Variants in SLC1A4 observed in about 807,000 individuals in gnomAD.
SLC1A4 encodes the protein solute carrier family 1 member 4.
Under a neutral mutation model 37.7 loss-of-function variants are expected in SLC1A4, and 19 were observed. The ratio of observed to expected loss-of-function variants is 0.50; its 90% CI spans 0.35 to 0.74. The LOEUF is 0.74. Among genes scored for constraint, SLC1A4 ranks in the 30% least tolerant of loss-of-function variants. The probability of loss-of-function intolerance (pLI) is 0.01; values close to 1 mark genes in which losing one functional copy is unlikely to be tolerated. For missense variants in SLC1A4, 570 were observed against 712.9 expected (o/e 0.80, Z 2.28); for synonymous variants, 299 against 309.8 (o/e 0.97, Z 0.37).
At chr2:64,991,228 C>T (rs1673037331) in intron 1 of SLC1A4, among the ~76,000 whole-genome samples, 1 of 152,114 alleles carries the variant, frequency 6.6e-6, no homozygotes, top group Non-Finnish European at 1.5e-5. Context: ...GTTTCCATTT[C>T]TCCTTCTGGA....
chr2:65,021,265 GCCC>G lies in SLC1A4; in HGVS notation c.*120_*122del. The G allele has an allele frequency of 1.3e-6, 1 of 781,336 alleles. No individual in the cohort carries two copies. Among genetic ancestry groups the G allele is most frequent in the Non-Finnish European group, 2.1e-6 (1 of 486,822 alleles). 48.4% of individuals were successfully genotyped at this position (781,336 alleles called of 1,614,324 possible). On this transcript the variant is annotated 3_prime_UTR_variant, in exon 8 of 8. Coordinates refer to ENST00000234256, the MANE Select transcript of SLC1A4 (RefSeq NM_003038.5). ...TTTTACCCTCCCAAGCAATGCTTTGGCCCAGTCGCTGGCCTGAGGCTTACCTCT... is the reference window on the plus strand; with the variant it reads ...TTTTACCCTCCCAAGCAATGCTTTGGAGTCGCTGGCCTGAGGCTTACCTCT...
chr2:65,018,038 T>A lies in SLC1A4; in HGVS notation c.1035-33T>A. ...CATGTTAGCCTGCCTCGGACTGTTG[T>A]CATGTCTGGCGGTTTGTTTTTCCCA... On this transcript the variant is annotated intron_variant, in intron 5 of 7. Transcript: ENST00000234256. This position sits in a 1 kb window ranked among gnomAD's most constrained non-coding sequence, Gnocchi z 4.3. The A allele has an allele frequency of 6.3e-7, 1 of 1,599,264 alleles. No homozygotes were observed. The highest frequency in any genetic ancestry group is 1.1e-5 in the South Asian group (1 of 90,514).
chr2:64,990,895 G>A (rs1033399894), intron 1 of SLC1A4, among the ~76,000 whole-genome samples: 8 of 152,126 alleles, frequency 5.3e-5, no homozygotes, highest in Non-Finnish European at 1.0e-4. Context: ...CCTGCTTTTT[G>A]CAATTCTTAG....
In SLC1A4 at chr2:64,989,866, C is replaced by T. The variant is rs992647902; in HGVS notation, c.223C>T (p.Leu75=). 6 of 1,541,282 alleles carry T rather than the reference C, an allele frequency of 3.9e-6. No individual in the cohort carries two copies. In the African/African-American group the frequency reaches 4.1e-5, roughly 11 times the overall value. The part of the protein sequence containing the change: ...LSLSRTQVTY[L]AFPGEMLLRM... ...CCTGAGCCGCACGCAGGTCACCTAC[C>T]TGGCCTTCCCCGGCGAGATGCTGCT... is the stretch of plus-strand genomic sequence containing the variant. Residue 75 remains leucine (L), a synonymous_variant, in exon 1 of 8, where the codon CTG becomes TTG. Transcript: ENST00000234256.
intron 3 of SLC1A4, among the ~76,000 whole-genome samples, chr2:65,010,177 TC>T (rs1415583080): frequency 2.6e-5 from 4 of 152,124 alleles, no homozygotes; most frequent in Non-Finnish European, 5.9e-5. Context: ...GGTGATCCAC[TC>T]GCCTTGGCCT....
intron 3 of SLC1A4, among the ~76,000 whole-genome samples, chr2:65,009,734 C>T (rs1673837478): frequency 6.6e-6 from 1 of 152,144 alleles, no homozygotes; most frequent in South Asian, 2.1e-4. Flanking sequence ...TTCAGCATTG[C>T]TGGAAAAAAT....
At chr2:64,988,934 C>T (rs1672912487), upstream of SLC1A4, among the ~76,000 whole-genome samples, 1 of 151,938 alleles carries the variant, frequency 6.6e-6, no homozygotes, top group Non-Finnish European at 1.5e-5. Flanking sequence ...CCTCTCTTCT[C>T]CCCTCCCCTC....
At chr2:64,996,688 AG>A (rs1558514523) in intron 1 of SLC1A4, among the ~76,000 whole-genome samples, 1 of 152,234 alleles carries the variant, frequency 6.6e-6, no homozygotes, top group Non-Finnish European at 1.5e-5. Flanking sequence ...CCAACATGGC[AG>A]CACAAATGCA....
chr2:65,000,951 C>G (rs1311854116), intron 1 of SLC1A4: 1 of 152,628 alleles, frequency 6.6e-6, no homozygotes, highest in Non-Finnish European at 1.5e-5. Context: ...AGCAGTGACA[C>G]TTGACATTGC....
intron 5 of SLC1A4, among the ~76,000 whole-genome samples, chr2:65,017,495 TAA>T (rs747628209): frequency 2.3e-4 from 30 of 129,660 alleles, no homozygotes; most frequent in Non-Finnish European, 2.2e-4. Context: ...GAGGTGGGAG[TAA>T]AAAAAAAAAA....
rs1486250356 is a variant in SLC1A4, at chr2:65,010,686, C to T, written c.723C>T (p.Gly241=). ...TAGGAGTGGCCTTAAAGAAACTAGG[C>T]TCCGAAGGAGAAGACCTCATCCGTT... ...LVLGVALKKL[G]SEGEDLIRFF... The change falls in exon 4 of 8, where the codon GGC becomes GGT. Residue 241 remains glycine, a synonymous_variant. Transcript: ENST00000234256. 1.2e-6 allele frequency: 2 copies of T among 1,614,000 alleles called. No homozygotes were observed. The highest frequency in any genetic ancestry group is 1.7e-6 in the Non-Finnish European group (2 of 1,179,984).
At chr2:65,006,618 G>C (rs998836176) in intron 3 of SLC1A4, among the ~76,000 whole-genome samples, 2 of 152,108 alleles carry the variant, frequency 1.3e-5, no homozygotes, top group African/African-American at 2.4e-5. Flanking sequence ...TTGTCCCCAA[G>C]GTTGGGATAT....
chr2:65,002,181 G>A (rs1252177834), intron 2 of SLC1A4, among the ~76,000 whole-genome samples: 1 of 152,018 alleles, frequency 6.6e-6, no homozygotes, highest in Admixed American at 6.6e-5. Context: ...CCAGGAAGCT[G>A]AGGCTGGAGA....
upstream of SLC1A4, among the ~76,000 whole-genome samples, chr2:64,988,838 C>T (rs1672906673): frequency 6.6e-6 from 1 of 151,716 alleles, no homozygotes; most frequent in Admixed American, 6.5e-5. Context: ...GGCCCCCTGG[C>T]GGGAGAGGCC....
rs751293273 is a variant in SLC1A4 at position 65,016,611 on chromosome 2, C to T, written c.972C>T (p.Asn324=). 19 of 1,614,002 alleles carry T rather than the reference C, an allele frequency of 1.2e-5. No individual in the cohort carries two copies. The highest frequency in any genetic ancestry group is 4.0e-5 in the African/African-American group (3 of 74,902). ...PLIYFVFTRK[N]PFRFLLGLLA... ...TTTATTTTGTTTTCACACGAAAAAACCCATTCAGATTCCTCCTGGGCCTCC... is the reference window on the plus strand; with the variant it reads ...TTTATTTTGTTTTCACACGAAAAAATCCATTCAGATTCCTCCTGGGCCTCC... The change falls in exon 5 of 8, where the codon AAC becomes AAT. Residue 324 remains asparagine, a synonymous_variant. Coordinates refer to ENST00000234256, the MANE Select transcript of SLC1A4 (RefSeq NM_003038.5).
chr2:65,018,333 A>G lies in SLC1A4; in HGVS notation c.1229+68A>G. 6.6e-7 allele frequency: 1 copy of G among 1,522,318 alleles called. No homozygotes were observed. The highest frequency in any genetic ancestry group is 9.0e-7 in the Non-Finnish European group (1 of 1,111,604). 94.3% of individuals were successfully genotyped at this position (1,522,318 alleles called of 1,614,324 possible). On this transcript the variant is annotated intron_variant, in intron 6 of 7. Coordinates refer to ENST00000234256, the MANE Select transcript of SLC1A4 (RefSeq NM_003038.5). The surrounding 1 kb of genome is among the most constrained non-coding windows in gnomAD (Gnocchi z 4.3). ...TCTTGTGATTTCCTTTGAAAAACCA[A>G]TCTCACCACAACTTGGTGTCTCGCT...
chr2:65,009,986 C>T (rs1673852324), intron 3 of SLC1A4, among the ~76,000 whole-genome samples: 1 of 151,408 alleles, frequency 6.6e-6, no homozygotes. Context: ...GGCTGGAGTG[C>T]AATGGCATGA....
intron 3 of SLC1A4, 97 bp downstream of exon 3, chr2:65,004,112 G>C: frequency 1.0e-6 from 1 of 975,652 alleles, no homozygotes; most frequent in Non-Finnish European, 1.6e-6. Flanking sequence ...AAAACTTTGA[G>C]GTTTGAATGG....
intron 4 of SLC1A4, among the ~76,000 whole-genome samples, chr2:65,013,027 T>C (rs1245099434): frequency 6.6e-6 from 1 of 152,132 alleles, no homozygotes; most frequent in African/African-American, 2.4e-5. Flanking sequence ...ACAGGAAGCA[T>C]GGCTGGGAAG....
Sources: gnomAD v4.1 joint callset for allele counts (sites outside exome capture counted in the v4.1 genomes callset) on GRCh38, gnomAD v4.1.1 for gene constraint, Gnocchi (gnomAD v3.1) non-coding constraint, MANE v1.5 for transcripts, NCBI Gene and HGNC (gene_info 2026-07-23, HGNC 2026-07-21) for gene names.